The following EXOC4 variants were observed in gnomAD, a reference collection of about 807,000 sequenced individuals.
The protein encoded by EXOC4 is exocyst complex component 4, also known as SEC8-like 1.
A neutral mutation model predicts 107.2 loss-of-function variants in EXOC4; 71 were observed. The observed-to-expected ratio is 0.66, with a 90% CI of 0.55 to 0.81. EXOC4 has a LOEUF of 0.81. Among genes scored for constraint, EXOC4 ranks in the 30% least tolerant of loss-of-function variants. The pLI is 0.00. For synonymous variants in EXOC4, 456 were observed against 441.2 expected (o/e 1.03, Z -0.42); for missense variants, 1,108 against 1,189.6 (o/e 0.93, Z 1.01).
chr7:133,483,567 C>A (rs1799204867), intron 9 of EXOC4, among the ~76,000 whole-genome samples: 1 of 152,106 alleles, frequency 6.6e-6, no homozygotes, highest in South Asian at 2.1e-4. Flanking sequence ...ATTGAACTTA[C>A]CAGTTTTCAG....
intron 14 of EXOC4, among the ~76,000 whole-genome samples, chr7:133,950,535 C>T (rs1186965465): frequency 6.6e-6 from 1 of 152,216 alleles, no homozygotes; most frequent in Non-Finnish European, 1.5e-5. Flanking sequence ...GTCTGCTCCT[C>T]TGTCCAAGAG....
At chr7:133,817,629 C>A in intron 11 of EXOC4, 85 bp downstream of exon 11, 1 of 950,486 alleles carries the variant, frequency 1.1e-6, no homozygotes, top group Non-Finnish European at 1.6e-6. Context: ...AGAAGAATTA[C>A]CATCTGTTTC....
chr7:133,648,191 G>T (rs1055357554), intron 10 of EXOC4, among the ~76,000 whole-genome samples: 1 of 152,044 alleles, frequency 6.6e-6, no homozygotes, highest in Non-Finnish European at 1.5e-5. Context: ...CACAGATTAG[G>T]GTTGCCTCTA....
chr7:133,443,753 T>G (rs1383096567), intron 7 of EXOC4, among the ~76,000 whole-genome samples: 1 of 152,152 alleles, frequency 6.6e-6, no homozygotes, highest in Non-Finnish European at 1.5e-5. Context: ...AGCTCCATCT[T>G]TCTCTCTCAA....
intron 4 of EXOC4, among the ~76,000 whole-genome samples, chr7:133,313,011 G>A (rs914255409): frequency 6.6e-6 from 1 of 152,038 alleles, no homozygotes; most frequent in East Asian, 1.9e-4. Context: ...AGAAAATTTG[G>A]TGTCCATATT....
At chr7:133,475,927 A>G (rs1223155794) in intron 8 of EXOC4, among the ~76,000 whole-genome samples, 5 of 151,810 alleles carry the variant, frequency 3.3e-5, no homozygotes, top group Non-Finnish European at 7.4e-5. Flanking sequence ...GTTTTTTTTT[A>G]TCTAATTATA....
At chr7:133,986,300 C>A (rs1794112761) in intron 14 of EXOC4, among the ~76,000 whole-genome samples, 1 of 152,150 alleles carries the variant, frequency 6.6e-6, no homozygotes, top group Non-Finnish European at 1.5e-5. Flanking sequence ...ATGAAGAGAG[C>A]TTTCCAAATG....
In EXOC4 at chr7:133,895,661, A is replaced by G. The variant is rs1435364167; in HGVS notation, c.1797A>G (p.Ala599=). ...TGAACCTGATGCATGACTTGAGTGC[A>G]TATTCAGATCAATTCCTCAACATGG... ...DLLNLMHDLS[A]YSDQFLNMVC... Residue 599 remains alanine, a synonymous_variant, in exon 12 of 18, where the codon GCA becomes GCG. Coordinates refer to ENST00000253861, the MANE Select transcript of EXOC4 (RefSeq NM_021807.4). 23 of 1,614,012 alleles carry G rather than the reference A, an allele frequency of 1.4e-5. No individual in the cohort carries two copies. The highest frequency in any genetic ancestry group is 1.9e-5 in the Non-Finnish European group (22 of 1,179,970).
intron 10 of EXOC4, among the ~76,000 whole-genome samples, chr7:133,723,393 A>G (rs1795146809): frequency 6.6e-6 from 1 of 152,258 alleles, no homozygotes; most frequent in Non-Finnish European, 1.5e-5. Context: ...AACACTATTT[A>G]AAACAAGAGA....
chr7:133,416,513 T>G (rs1449421021), intron 7 of EXOC4, among the ~76,000 whole-genome samples: 1 of 152,134 alleles, frequency 6.6e-6, no homozygotes, highest in Admixed American at 6.5e-5. Context: ...CAGAATATAG[T>G]CAGATGCATA....
intron 11 of EXOC4, among the ~76,000 whole-genome samples, chr7:133,866,137 G>A (rs189815342): frequency 6.6e-6 from 1 of 152,128 alleles, no homozygotes; most frequent in South Asian, 2.1e-4. Flanking sequence ...TGAGTAACAT[G>A]CTTTTCATAT....
intron 10 of EXOC4, among the ~76,000 whole-genome samples, chr7:133,793,433 G>A (rs1370689609): frequency 6.6e-6 from 1 of 152,136 alleles, no homozygotes; most frequent in African/African-American, 2.4e-5. Context: ...CTTGATTTGG[G>A]GGATCTGCCA....
intron 7 of EXOC4, among the ~76,000 whole-genome samples, chr7:133,453,080 AAAAG>A (rs1798383788): frequency 6.6e-6 from 1 of 152,252 alleles, no homozygotes; most frequent in South Asian, 2.1e-4. Flanking sequence ...ACGAGGCATT[AAAAG>A]AGCTTAACAT....
At chr7:133,482,252 C>T (rs1490086248) in intron 9 of EXOC4, among the ~76,000 whole-genome samples, 6 of 152,120 alleles carry the variant, frequency 3.9e-5, no homozygotes, top group Admixed American at 6.5e-5. Context: ...GAACAGAGTT[C>T]CTGTGTGCCC....
chr7:133,400,193 C>T (rs1314935985), intron 7 of EXOC4, among the ~76,000 whole-genome samples: 4 of 152,144 alleles, frequency 2.6e-5, no homozygotes, highest in African/African-American at 7.2e-5. Context: ...CCTTGGATTA[C>T]GGTTGGTCCT....
At chr7:133,927,458 A>C (rs1428458930) in intron 13 of EXOC4, among the ~76,000 whole-genome samples, 1 of 152,246 alleles carries the variant, frequency 6.6e-6, no homozygotes, top group African/African-American at 2.4e-5. Flanking sequence ...TCTCAACGTA[A>C]TATAAGCAAC....
At chr7:133,608,964 T>G (rs1802016967) in intron 9 of EXOC4, among the ~76,000 whole-genome samples, 2 of 152,202 alleles carry the variant, frequency 1.3e-5, no homozygotes, top group African/African-American at 4.8e-5. Flanking sequence ...CATTTAAGTG[T>G]CATATTGTTA....
intron 10 of EXOC4, among the ~76,000 whole-genome samples, chr7:133,658,331 G>A (rs796715847): frequency 6.6e-5 from 10 of 152,170 alleles, no homozygotes; most frequent in African/African-American, 2.4e-4. Context: ...TAGGCCACAC[G>A]ACCCTTCTGC....
At chr7:133,759,935 A>G (rs1322553777) in intron 10 of EXOC4, among the ~76,000 whole-genome samples, 1 of 152,230 alleles carries the variant, frequency 6.6e-6, no homozygotes, top group Non-Finnish European at 1.5e-5. Flanking sequence ...AAAGGGCTAC[A>G]GAAAAGAACT....
Sources: allele counts gnomAD v4.1 joint callset (sites outside exome capture counted in the v4.1 genomes callset), GRCh38; gene constraint gnomAD v4.1.1; transcripts MANE v1.5; gene names NCBI Gene and HGNC (gene_info 2026-07-23, HGNC 2026-07-21).